The following SEC31B variants were observed in gnomAD, a reference collection of about 807,000 sequenced individuals.
The protein encoded by SEC31B is SEC31 homolog B, COPII component, also known as protein transport protein Sec31B.
Under a neutral mutation model 135.0 loss-of-function variants are expected in SEC31B, and 113 were observed. The ratio of observed to expected loss-of-function variants is 0.84; its 90% CI spans 0.72 to 0.98. The LOEUF is 0.98. Ranked by LOEUF, SEC31B falls within the 50% of genes least tolerant of loss-of-function variation. SEC31B has a pLI of 0.00. For missense variants in SEC31B, 1,296 were observed against 1,421.1 expected, an observed-to-expected ratio of 0.91 and a Z score of 1.42; for synonymous variants, 508 against 549.4, an observed-to-expected ratio of 0.92 and a Z score of 1.05.
intron 18 of SEC31B, 31 bp downstream of exon 18, chr10:100,496,227 T>C (rs1295317935): frequency 1.9e-6 from 3 of 1,605,958 alleles, no homozygotes; most frequent in East Asian, 2.2e-5. Context: ...CTGAATGAAA[T>C]GGTTTGCTCT....
At chr10:100,519,035 TTC>T (rs566795682) in intron 1 of SEC31B, among the ~76,000 whole-genome samples, 6 of 152,226 alleles carry the variant, frequency 3.9e-5, no homozygotes, top group Non-Finnish European at 8.8e-5. Flanking sequence ...TCTCAGTTAA[TTC>T]TCTCAGTGGT....
intron 11 of SEC31B, 53 bp from the exon 12 acceptor site, chr10:100,499,651 C>T: frequency 4.5e-6 from 6 of 1,333,712 alleles, no homozygotes; most frequent in Non-Finnish European, 5.3e-6. Context: ...ATAAATGACG[C>T]TCTTCCTACA....
chr10:100,495,466 G>C lies in SEC31B; in HGVS notation c.2391C>G (p.Pro797=), dbSNP rs139344402. The C allele has an allele frequency of 3.1e-6, 5 of 1,613,878 alleles. No homozygotes were observed. Among genetic ancestry groups the C allele is most frequent in the Non-Finnish European group, 4.2e-6 (5 of 1,179,912 alleles). Residue 797 remains proline (P), a synonymous_variant, in exon 19 of 26, where the codon CCC becomes CCG. Transcript: ENST00000370345. ...AVLGQQSPPF[P]FPRIVVGATL... ...TAGCTCCCACAACAATCCGGGGGAA[G>C]GGGAAAGGGGGAGACTGTTGGCCCA...
rs1180219229 is a variant in SEC31B, at chr10:100,497,228, T to G, written c.2043A>C (p.Glu681Asp). Residue 681 changes from glutamate to aspartate, a missense_variant, in exon 17 of 26, where the codon GAA becomes GAC. Transcript: ENST00000370345. The stretch of plus-strand genomic sequence containing the variant: ...CTGAGCACACATAACAGAGTCTGGC[T>G]TCGGAGGTTAGTGCCCTGCTGCCCT... ...EQEGSRALTS[E>D]ARLCYVCSGS... 1.2e-6 allele frequency: 2 copies of G among 1,614,212 alleles called. No individual in the cohort carries two copies. The highest frequency in any genetic ancestry group is 2.2e-5 in the South Asian group (2 of 91,084).
At chr10:100,508,203 A>G (rs949059642) in intron 5 of SEC31B, 152 bp from the exon 6 acceptor site, 1 of 890,374 alleles carries the variant, frequency 1.1e-6, no homozygotes, top group African/African-American at 1.7e-5. Flanking sequence ...TGGGAGTTGA[A>G]TTTTCCAGGG....
chr10:100,490,383 C>A, intron 20 of SEC31B, 61 bp from the exon 21 acceptor site: 1 of 1,497,148 alleles, frequency 6.7e-7, no homozygotes, highest in Non-Finnish European at 9.0e-7. Flanking sequence ...CAACTCAGAG[C>A]ATATCAGGGA....
Position 100,499,569 on chromosome 10 carries a change from T to A in SEC31B, c.1440A>T (p.Lys480Asn), listed in dbSNP as rs774128718. 5 of 1,612,258 alleles carry A rather than the reference T, an allele frequency of 3.1e-6. No individual in the cohort carries two copies. The highest frequency in any genetic ancestry group is 4.2e-6 in the Non-Finnish European group (5 of 1,179,348). The change falls in exon 12 of 26, where the codon AAA (lysine) becomes AAT (asparagine). Residue 480 changes from lysine (K) to asparagine (N), a missense_variant. Coordinates refer to ENST00000370345, the MANE Select transcript of SEC31B (RefSeq NM_015490.4). Reference sequence around the variant, plus strand: ...TACTGTATCCTAAAAGCTTTAGGAATTTCATTCTGGAGTCTTGCTCTAAGG... The same window carrying A: ...TACTGTATCCTAAAAGCTTTAGGAAATTCATTCTGGAGTCTTGCTCTAAGG... The part of the protein sequence containing the change: ...KVTLEQDSRM[K>N]FLKLLGYSKD...
chr10:100,507,676 C>T (rs1333122054), intron 6 of SEC31B, 109 bp from the exon 7 acceptor site: 2 of 1,457,048 alleles, frequency 1.4e-6, no homozygotes, highest in Non-Finnish European at 1.9e-6. Flanking sequence ...CTGGGAACAC[C>T]ACAGGCATCA....
chr10:100,511,903 T>A (rs754635942), intron 3 of SEC31B, among the ~76,000 whole-genome samples: 2 of 152,198 alleles, frequency 1.3e-5, no homozygotes, highest in Non-Finnish European at 2.9e-5. Flanking sequence ...GCATCTACTA[T>A]GAATCCTCAA....
In SEC31B at chr10:100,490,922, GA is replaced by G. The variant is rs761940213; in HGVS notation, c.2473-40del. On this transcript the variant is annotated intron_variant, in intron 19 of 25. Coordinates refer to ENST00000370345, the MANE Select transcript of SEC31B (RefSeq NM_015490.4). ...AAAACATCAGCTCTTGGAAAGGAAAGAGAAAGGTAAATAATAGAAAACAGAA... is the reference window on the plus strand; with the variant it reads ...AAAACATCAGCTCTTGGAAAGGAAAGGAAAGGTAAATAATAGAAAACAGAA... 3 of 1,333,860 alleles carry G rather than the reference GA, an allele frequency of 2.2e-6. No homozygotes were observed. In the South Asian group the frequency reaches 7.1e-5, roughly 32 times the overall value. The allele number at this position is 1,333,860 out of a possible 1,614,324, so 82.6% of individuals were successfully genotyped here.
intron 5 of SEC31B, chr10:100,508,446 T>C (rs1196321189): frequency 2.1e-6 from 1 of 473,154 alleles, no homozygotes; most frequent in Non-Finnish European, 4.2e-6. Flanking sequence ...GCTATCAAAT[T>C]GAAACTTAAC....
At chr10:100,500,579 T>A (rs1219138466) in intron 11 of SEC31B, among the ~76,000 whole-genome samples, 1 of 151,892 alleles carries the variant, frequency 6.6e-6, no homozygotes, top group Non-Finnish European at 1.5e-5. Flanking sequence ...GCCTCCCAAA[T>A]TGCTGGGATT....
chr10:100,492,546 G>A (rs1851320054), intron 19 of SEC31B, among the ~76,000 whole-genome samples: 1 of 152,152 alleles, frequency 6.6e-6, no homozygotes, highest in Non-Finnish European at 1.5e-5. Flanking sequence ...TTATTTAACA[G>A]AGACTGGAAG....
chr10:100,514,964 G>C (rs1564654782), intron 3 of SEC31B, among the ~76,000 whole-genome samples: 1 of 143,332 alleles, frequency 7.0e-6, no homozygotes, highest in African/African-American at 2.7e-5. Context: ...CTGGGCGAGA[G>C]AGTGAGACTC....
chr10:100,499,042 A>G, intron 13 of SEC31B, 118 bp downstream of exon 13: 1 of 815,730 alleles, frequency 1.2e-6, no homozygotes, highest in Non-Finnish European at 2.0e-6. Flanking sequence ...GAGTCTGAAG[A>G]CTTCTACAGA....
intron 19 of SEC31B, chr10:100,495,169 G>A (rs958874065): frequency 1.8e-6 from 1 of 550,498 alleles, no homozygotes; most frequent in African/African-American, 1.9e-5. Flanking sequence ...ACTACACTAT[G>A]AGCTACTTGA....
chr10:100,509,257 T>A, intron 4 of SEC31B, 59 bp downstream of exon 4: 1 of 1,551,376 alleles, frequency 6.4e-7, no homozygotes, highest in Non-Finnish European at 8.9e-7. Context: ...AAATGAATGC[T>A]TCCACTCAGA....
intron 3 of SEC31B, among the ~76,000 whole-genome samples, 181 bp downstream of exon 3, chr10:100,515,914 AG>A (rs3833721): frequency 3.3e-4 from 50 of 149,374 alleles, no homozygotes; most frequent in African/African-American, 6.9e-4. Context: ...CTGACTGGAA[AG>A]GGGGGGGGTG....
At chr10:100,507,403 T>C (rs1851652183) in intron 7 of SEC31B, 22 bp downstream of exon 7, 11 of 1,614,050 alleles carry the variant, frequency 6.8e-6, no homozygotes, top group Non-Finnish European at 9.3e-6. Context: ...CCCAAGGATA[T>C]GGATGACGTC....
Sources: allele counts gnomAD v4.1 joint callset (sites outside exome capture counted in the v4.1 genomes callset), GRCh38; gene constraint gnomAD v4.1.1; transcripts MANE v1.5; gene names NCBI Gene and HGNC (gene_info 2026-07-23, HGNC 2026-07-21).